Variants in SIPA1L1 observed in about 807,000 individuals in gnomAD.
SIPA1L1 encodes signal induced proliferation associated 1 like 1, also known as signal-induced proliferation-associated 1-like protein 1.
Under a neutral mutation model 162.7 loss-of-function variants are expected in SIPA1L1, and 26 were observed. The ratio of observed to expected loss-of-function variants is 0.16; its 90% CI spans 0.12 to 0.22. SIPA1L1 has a LOEUF of 0.22. SIPA1L1 is among the 10% of genes least tolerant of loss of function. The probability of loss-of-function intolerance (pLI) is 1.00; values close to 1 mark genes in which losing one functional copy is unlikely to be tolerated. For missense variants in SIPA1L1, 1,874 were observed against 2,241.0 expected (o/e 0.84, Z 3.31); for synonymous variants, 829 against 837.4 (o/e 0.99, Z 0.17).
chr14:71,504,917 T>C (rs952470536), intron 2 of SIPA1L1, among the ~76,000 whole-genome samples: 5 of 152,196 alleles, frequency 3.3e-5, no homozygotes, highest in African/African-American at 4.8e-5. Context: ...TAAGAAGATA[T>C]GAAAATTTTT....
At chr14:71,642,553 C>A (rs10139519) in intron 7 of SIPA1L1, among the ~76,000 whole-genome samples, 127,219 of 152,176 alleles carry the variant, frequency 0.84, 53,777 homozygotes, top group African/African-American at 0.95. Flanking sequence ...GCAAGAACTA[C>A]AAGGCTCAAA....
intron 2 of SIPA1L1, among the ~76,000 whole-genome samples, chr14:71,476,287 G>A (rs1026925491): frequency 2.0e-5 from 3 of 152,174 alleles, no homozygotes; most frequent in African/African-American, 4.8e-5. Context: ...TCTGTTTCCC[G>A]GATGTTTCAC....
At chr14:71,644,707 T>C (rs1379000656) in intron 7 of SIPA1L1, among the ~76,000 whole-genome samples, 2 of 152,244 alleles carry the variant, frequency 1.3e-5, no homozygotes, top group Non-Finnish European at 2.9e-5. Flanking sequence ...CTTAGGCTCA[T>C]GGTGATAGGT....
At chr14:71,456,437 T>C (rs903260448) in intron 2 of SIPA1L1, among the ~76,000 whole-genome samples, 1 of 152,270 alleles carries the variant, frequency 6.6e-6, no homozygotes, top group African/African-American at 2.4e-5. Flanking sequence ...GATAACTGTT[T>C]ATTATACATT....
chr14:71,676,677 CAA>C (rs1156565837), intron 12 of SIPA1L1, among the ~76,000 whole-genome samples: 1 of 141,082 alleles, frequency 7.1e-6, no homozygotes, highest in Non-Finnish European at 1.5e-5. Context: ...TTCCTGTGTC[CAA>C]GTGTTCTCAT....
Position 71,685,410 on chromosome 14 carries a change from T to G in SIPA1L1, c.3153T>G (p.Asn1051Lys). The G allele has an allele frequency of 6.2e-7, 1 of 1,614,194 alleles. No individual in the cohort carries two copies. The highest frequency in any genetic ancestry group is 2.2e-5 in the East Asian group (1 of 44,872). The part of the protein sequence containing the change: ...YRMPVMEYKM[N>K]EGVSYEFKFP... ...TGCCAGTGATGGAGTACAAAATGAA[T>G]GAAGGTGTTTCATACGAATTCAAGT... Residue 1051 changes from asparagine to lysine, a missense_variant, in exon 13 of 24, where the codon AAT becomes AAG. Coordinates refer to ENST00000381232, the MANE Select transcript of SIPA1L1 (RefSeq NM_001386936.1).
intron 2 of SIPA1L1, among the ~76,000 whole-genome samples, chr14:71,351,586 G>T (rs1303004594): frequency 6.7e-6 from 1 of 148,510 alleles, no homozygotes; most frequent in Non-Finnish European, 1.5e-5. Context: ...GAGTGTAAGA[G>T]TTTCCTGTAT....
chr14:71,529,240 G>T, intron 3 of SIPA1L1, 72 bp from the exon 4 acceptor site: 1 of 515,300 alleles, frequency 1.9e-6, no homozygotes. Context: ...ACCTGTGTAA[G>T]TTATACAGCT....
At chr14:71,610,638 T>A (rs564176087) in intron 5 of SIPA1L1, among the ~76,000 whole-genome samples, 5 of 152,338 alleles carry the variant, frequency 3.3e-5, no homozygotes, top group Admixed American at 3.3e-4. Flanking sequence ...CCTCTCTTTA[T>A]TTAAAAATAA....
chr14:71,640,632 T>C (rs1430015934), intron 7 of SIPA1L1, among the ~76,000 whole-genome samples: 1 of 152,210 alleles, frequency 6.6e-6, no homozygotes, highest in Non-Finnish European at 1.5e-5. Context: ...TCATTTTTTT[T>C]CTTCTTCTTT....
intron 2 of SIPA1L1, among the ~76,000 whole-genome samples, chr14:71,509,744 C>CAAA (rs200495533): frequency 8.8e-6 from 1 of 113,790 alleles, no homozygotes; most frequent in Non-Finnish European, 1.9e-5. Context: ...AACTCCATCT[C>CAAA]AAAAAAAAAA....
intron 4 of SIPA1L1, among the ~76,000 whole-genome samples, chr14:71,558,911 T>C (rs571150063): frequency 6.6e-5 from 10 of 152,310 alleles, no homozygotes; most frequent in Middle Eastern, 3.4e-3. Context: ...CTCAAGCTCC[T>C]GGCCTCAAGT....
intron 5 of SIPA1L1, among the ~76,000 whole-genome samples, chr14:71,610,989 A>G (rs1271063105): frequency 6.6e-6 from 1 of 152,236 alleles, no homozygotes; most frequent in East Asian, 1.9e-4. Flanking sequence ...GCTTTGGGAC[A>G]GAATTCTGGC....
intron 4 of SIPA1L1, among the ~76,000 whole-genome samples, chr14:71,544,319 T>A: frequency 6.6e-6 from 1 of 151,680 alleles, no homozygotes; most frequent in Non-Finnish European, 1.5e-5. Context: ...TATACATATA[T>A]GTATATACAT....
At chr14:71,593,892 A>T (rs1318245068) in intron 5 of SIPA1L1, among the ~76,000 whole-genome samples, 2 of 152,188 alleles carry the variant, frequency 1.3e-5, no homozygotes, top group Non-Finnish European at 1.5e-5. Context: ...GTGATAGGGA[A>T]GGGCCTCCCT....
At chr14:71,594,798 G>A (rs760329325) in intron 5 of SIPA1L1, among the ~76,000 whole-genome samples, 2 of 151,944 alleles carry the variant, frequency 1.3e-5, no homozygotes, top group Admixed American at 6.6e-5. Flanking sequence ...TAATTCATTC[G>A]AAGGTAGCTC....
At chr14:71,702,628 TAA>T (rs1333773790) in intron 15 of SIPA1L1, 123 bp downstream of exon 15, 2 of 852,336 alleles carry the variant, frequency 2.3e-6, no homozygotes, top group East Asian at 5.4e-5. Flanking sequence ...GAATTAGAAT[TAA>T]GTCTCTGTTA....
At chr14:71,692,521 G>A (rs917414658) in intron 13 of SIPA1L1, among the ~76,000 whole-genome samples, 2 of 152,218 alleles carry the variant, frequency 1.3e-5, no homozygotes, top group African/African-American at 2.4e-5. Flanking sequence ...AGGAAACAGC[G>A]TACTCTGGCA....
chr14:71,354,464 G>A (rs572335329), intron 2 of SIPA1L1, among the ~76,000 whole-genome samples: 1 of 151,780 alleles, frequency 6.6e-6, no homozygotes, highest in Non-Finnish European at 1.5e-5. Flanking sequence ...TTTTGTAGAG[G>A]GGGGGTTTCA....
Sources: gnomAD v4.1 joint callset for allele counts (sites outside exome capture counted in the v4.1 genomes callset) on GRCh38, gnomAD v4.1.1 for gene constraint, MANE v1.5 for transcripts, NCBI Gene and HGNC (gene_info 2026-07-23, HGNC 2026-07-21) for gene names.